Variants in PFKFB2 observed in about 807,000 individuals in gnomAD.
PFKFB2 encodes the protein 6-phosphofructo-2-kinase/fructose-2,6-bisphosphatase 2.
Under a neutral mutation model 68.0 loss-of-function variants are expected in PFKFB2, and 53 were observed. The ratio of observed to expected loss-of-function variants is 0.78; its 90% CI spans 0.63 to 0.98. The LOEUF (loss-of-function observed/expected upper bound fraction) is 0.98. PFKFB2 is among the 50% of genes least tolerant of loss of function. PFKFB2 has a pLI of 0.00. For missense variants in PFKFB2, 451 were observed against 642.0 expected, an observed-to-expected ratio of 0.70 and a Z score of 3.22; for synonymous variants, 222 against 227.6, an observed-to-expected ratio of 0.98 and a Z score of 0.22.
chr1:207,045,184 C>T (rs555258481), intron 2 of PFKFB2: 21 of 152,508 alleles, frequency 1.4e-4, no homozygotes, highest in South Asian at 6.2e-4. Context: ...TGCTTGGAAA[C>T]AAGTTTTAAG....
intron 1 of PFKFB2, chr1:207,035,165 C>T (rs560779132): frequency 1.0e-5 from 10 of 985,440 alleles, no homozygotes; most frequent in Non-Finnish European, 1.2e-5. Context: ...GCTCACCTGA[C>T]TCATCTGTTC....
rs917389375 is a variant in PFKFB2 at position 207,075,067 on chromosome 1, A to C, written c.*2696A>C. Reference sequence around the variant, plus strand: ...TGTGAGGTAAGAGTAATTCAGACCTAATGAATGAGAAGAGGGAGCACTTTG... The same window carrying C: ...TGTGAGGTAAGAGTAATTCAGACCTCATGAATGAGAAGAGGGAGCACTTTG... On this transcript the variant is annotated 3_prime_UTR_variant, in exon 15 of 15. Transcript: ENST00000367080. 1 of 985,306 alleles carries C rather than the reference A, an allele frequency of 1.0e-6. No individual in the cohort carries two copies. Among genetic ancestry groups the C allele is most frequent in the Non-Finnish European group, 1.2e-6 (1 of 829,904 alleles). 61.0% of individuals were successfully genotyped at this position (985,306 alleles called of 1,614,324 possible).
At chr1:207,049,904 G>C (rs1387524688), upstream of PFKFB2, among the ~76,000 whole-genome samples, 1 of 152,124 alleles carries the variant, frequency 6.6e-6, no homozygotes, top group Non-Finnish European at 1.5e-5. Flanking sequence ...TTTTCATAAA[G>C]ATGAAAAAAG....
At chr1:207,048,919 C>T, upstream of PFKFB2, 2 of 1,074,086 alleles carry the variant, frequency 1.9e-6, no homozygotes, top group East Asian at 2.4e-5. Flanking sequence ...ATGGTTCAAG[C>T]ATTGTATCCT....
chr1:207,053,113 A>G (rs568284736), upstream of PFKFB2: 2 of 152,316 alleles, frequency 1.3e-5, no homozygotes, highest in African/African-American at 4.8e-5. Flanking sequence ...TCTGGTTCCG[A>G]CTTCCAGCCG....
At chr1:207,061,165 T>A (rs11586970) in intron 2 of PFKFB2, among the ~76,000 whole-genome samples, 68 of 45,126 alleles carry the variant, frequency 1.5e-3, no homozygotes, top group African/African-American at 3.4e-3. Context: ...ATATATATCT[T>A]TATATATATA....
chr1:207,043,946 A>G (rs1290504521), intron 2 of PFKFB2: 1 of 152,624 alleles, frequency 6.6e-6, no homozygotes, highest in African/African-American at 2.4e-5. Context: ...ATGCATCTTA[A>G]TGACAATGGC....
At chr1:207,057,130 G>T (rs1228978652) in intron 2 of PFKFB2, among the ~76,000 whole-genome samples, 3 of 151,892 alleles carry the variant, frequency 2.0e-5, no homozygotes, top group Non-Finnish European at 4.4e-5. Flanking sequence ...GGTGCTCAGA[G>T]GACTGGTTTC....
rs1553251142 is a variant in PFKFB2, at chr1:207,060,959, A to AATATATATATCTATATATCT, written c.86-987_86-968dup. On this transcript the variant is annotated intron_variant, in intron 2 of 14. Transcript: ENST00000367080. ...CACACTCCCACATCTGGCTAAGTTA[A>AATATATATATCTATATATCT]ATATATATATCTATATATCTATATA... 737 of 126,208 alleles carry AATATATATATCTATATATCT rather than the reference A, an allele frequency of 5.8e-3. 21 individuals carry two copies. Among genetic ancestry groups the AATATATATATCTATATATCT allele is most frequent in the African/African-American group, 0.029 (658 of 22,388 alleles). 7.8% of individuals were successfully genotyped at this position (126,208 alleles called of 1,614,324 possible).
In PFKFB2 at chr1:207,076,514, TGGTGG is replaced by T. The variant is rs1683627497; in HGVS notation, c.*4147_*4151del. 1 of 980,268 alleles carries T rather than the reference TGGTGG, an allele frequency of 1.0e-6. No homozygotes were observed. The highest frequency in any genetic ancestry group is 4.8e-5 in the South Asian group (1 of 21,036). 60.7% of individuals were successfully genotyped at this position (980,268 alleles called of 1,614,324 possible). ...TAACAACTGAGTCGGGTTGCAGCAC[TGGTGG>T]GGTAGAATCGACTTTCCCTGAAGGT... On this transcript the variant is annotated 3_prime_UTR_variant, in exon 15 of 15. Transcript: ENST00000367080.
downstream of PFKFB2, chr1:207,078,978 C>G (rs536211542): frequency 6.2e-7 from 1 of 1,612,198 alleles, no homozygotes; most frequent in Non-Finnish European, 8.5e-7. Flanking sequence ...ACTGGCTGTG[C>G]GCAGACGCCC....
Position 207,061,808 on chromosome 1 carries a change from G to C in PFKFB2, c.86-145G>C, listed in dbSNP as rs535717400. Reference sequence around the variant, plus strand: ...GAGGCGGGAGAATCACTTGAACCTGGGAGGCGGAGGTTGCAATGAGCTGAG... The same window carrying C: ...GAGGCGGGAGAATCACTTGAACCTGCGAGGCGGAGGTTGCAATGAGCTGAG... On this transcript the variant is annotated intron_variant, in intron 2 of 14. Transcript: ENST00000367080. The C allele has an allele frequency of 2.1e-4, 142 of 665,924 alleles. No homozygotes were observed. The African/African-American group carries it at 2.4e-3, about 11-fold the overall frequency. 41.3% of individuals were successfully genotyped at this position (665,924 alleles called of 1,614,324 possible).
In PFKFB2 at chr1:207,067,520, G is replaced by A; in HGVS notation, c.654G>A (p.Val218=). 1.2e-6 allele frequency: 2 copies of A among 1,613,524 alleles called. No homozygotes were observed. Among genetic ancestry groups the A allele is most frequent in the Non-Finnish European group, 1.7e-6 (2 of 1,179,648 alleles). The change falls in exon 9 of 15, where the codon GTG becomes GTA. Residue 218 remains valine (V), a synonymous_variant. Coordinates refer to ENST00000367080, the MANE Select transcript of PFKFB2 (RefSeq NM_006212.2). ...CCAGGGATCTTTCTTTCATCAAGGT[G>A]ATAAACGTGGGCCAGCGATTTTTAG... ...NYDKDLSFIK[V]INVGQRFLVN...
At chr1:207,053,719 T>C (rs1682824560) in intron 1 of PFKFB2, among the ~76,000 whole-genome samples, 1 of 151,938 alleles carries the variant, frequency 6.6e-6, no homozygotes, top group African/African-American at 2.4e-5. Context: ...CGGCGTTCTT[T>C]AGACTGAGTC....
intron 8 of PFKFB2, among the ~76,000 whole-genome samples, chr1:207,066,069 C>G (rs1683279803): frequency 1.3e-5 from 2 of 152,134 alleles, no homozygotes; most frequent in South Asian, 4.1e-4. Flanking sequence ...ATTTTTATAT[C>G]TATCTCTCTC....
At chr1:207,069,902 G>C (rs1196137262) in intron 11 of PFKFB2, among the ~76,000 whole-genome samples, 1 of 152,116 alleles carries the variant, frequency 6.6e-6, no homozygotes, top group Admixed American at 6.5e-5. Context: ...TGTCTAAGTG[G>C]CTTCCATACT....
chr1:207,041,756 G>A (rs779852662), intron 1 of PFKFB2, among the ~76,000 whole-genome samples: 3 of 152,184 alleles, frequency 2.0e-5, no homozygotes, highest in Non-Finnish European at 4.4e-5. Flanking sequence ...TCAGTAATGG[G>A]ATTGTTGGGT....
At chr1:207,062,768 T>C in intron 4 of PFKFB2, 52 bp downstream of exon 4, 1 of 1,531,336 alleles carries the variant, frequency 6.5e-7, no homozygotes, top group Non-Finnish European at 9.0e-7. Flanking sequence ...TTGGCCGTCA[T>C]GAGACTTGGT....
chr1:207,061,152 T>C (rs1683092944), intron 2 of PFKFB2, among the ~76,000 whole-genome samples: 1 of 105,646 alleles, frequency 9.5e-6, no homozygotes, highest in East Asian at 2.4e-4. Context: ...TTTATATATA[T>C]TTATATATAT....
Sources: allele counts gnomAD v4.1 joint callset (sites outside exome capture counted in the v4.1 genomes callset), GRCh38; gene constraint gnomAD v4.1.1; transcripts MANE v1.5; gene names NCBI Gene and HGNC (gene_info 2026-07-23, HGNC 2026-07-21).